The following TET2 variants were observed in gnomAD, a reference collection of about 807,000 sequenced individuals.
TET2 encodes methylcytosine dioxygenase TET2.
In TET2, 299 loss-of-function variants were observed where a neutral mutation model predicts 142.9. That is an observed-to-expected ratio of 2.09 (90% CI 1.90 to 2.30). The LOEUF (loss-of-function observed/expected upper bound fraction) is 2.30, where lower values mean the gene tolerates loss of function less well. TET2 is among the 30% of genes most tolerant of loss of function. The pLI is 0.00. For synonymous variants in TET2, 819 were observed against 849.0 expected (o/e 0.96, Z 0.61); for missense variants, 2,418 against 2,378.0 (o/e 1.02, Z -0.35).
intron 4 of TET2, chr4:105,241,861 C>CT (rs1729320211): frequency 1.6e-6 from 2 of 1,246,232 alleles, no homozygotes; most frequent in South Asian, 4.1e-5. Flanking sequence ...GTACTTATCT[C>CT]TAAGTTTTCT....
At position 105,272,496 on chromosome 4, in the gene TET2, T is replaced by TA. The variant is rs1731011200; in HGVS notation, c.4183-67dup. 21 of 1,014,976 alleles carry TA rather than the reference T, an allele frequency of 2.1e-5. No individual in the cohort carries two copies. In the South Asian group the frequency reaches 3.5e-4, roughly 17 times the overall value. 62.9% of individuals were successfully genotyped at this position (1,014,976 alleles called of 1,614,324 possible). On this transcript the variant is annotated intron_variant, in intron 9 of 10. Coordinates refer to ENST00000380013, the MANE Select transcript of TET2 (RefSeq NM_001127208.3). ...AATCTGAATACTGAGAGGAGAAAGA[T>TA]ACACACACACACACACGTTTTCTTT...
At chr4:105,241,736 G>T in intron 4 of TET2, 1 of 1,256,272 alleles carries the variant, frequency 8.0e-7, no homozygotes. Flanking sequence ...AGGCTCCAAC[G>T]AGAGGTCCCA....
At chr4:105,171,878 C>G (rs980373001) in intron 1 of TET2, 3 of 152,134 alleles carry the variant, frequency 2.0e-5, no homozygotes, top group Admixed American at 2.0e-4. Flanking sequence ...CCTAATCTTC[C>G]AAGATTTATC....
intron 1 of TET2, among the ~76,000 whole-genome samples, chr4:105,150,387 G>A (rs143763236): frequency 5.3e-5 from 8 of 152,148 alleles, no homozygotes; most frequent in African/African-American, 1.4e-4. Context: ...ATTTCAAATC[G>A]CTGGAAAGAG....
At chr4:105,157,257 G>A (rs1049963280) in intron 1 of TET2, among the ~76,000 whole-genome samples, 1 of 151,306 alleles carries the variant, frequency 6.6e-6, no homozygotes, top group Non-Finnish European at 1.5e-5. Flanking sequence ...ACCATAAATG[G>A]GTACCTTTCA....
intron 1 of TET2, among the ~76,000 whole-genome samples, chr4:105,177,115 C>A (rs1724844263): frequency 6.6e-6 from 1 of 151,956 alleles, no homozygotes; most frequent in South Asian, 2.1e-4. Flanking sequence ...GATCTTATAC[C>A]CTTTGCAAAA....
In TET2 at chr4:105,246,023, C is replaced by T. The variant is rs145036771; in HGVS notation, c.3803+2245C>T. ...TCAGCTCACCACAACCTCCACCTCCCGGGTTCAAGTGATTCTCATGCCACA... is the reference window on the plus strand; with the variant it reads ...TCAGCTCACCACAACCTCCACCTCCTGGGTTCAAGTGATTCTCATGCCACA... On this transcript the variant is annotated intron_variant, in intron 6 of 10. Transcript: ENST00000380013. Among the ~76,000 whole-genome samples the T allele has an allele frequency of 1.5e-4, 23 of 152,208 alleles. No homozygotes were observed. The East Asian group carries it at 4.2e-3, about 28-fold the overall frequency.
chr4:105,237,337 C>G lies in TET2; in HGVS notation c.3395C>G (p.Ser1132Cys). 1 of 1,614,136 alleles carries G rather than the reference C, an allele frequency of 6.2e-7. No individual in the cohort carries two copies. Among genetic ancestry groups the G allele is most frequent in the Non-Finnish European group, 8.5e-7 (1 of 1,179,998 alleles). ...TPVKTQYDFP[S>C]CRCVEQIIEK... ...GTCAAGACTCAATATGATTTCCCAT[C>G]TTGCAGATGTGTAGGTAAGTGCCAG... The change falls in exon 3 of 11, where the codon TCT (serine) becomes TGT (cysteine). Residue 1132 changes from serine to cysteine, a missense_variant. Coordinates refer to ENST00000380013, the MANE Select transcript of TET2 (RefSeq NM_001127208.3).
rs1731123624 is a variant in TET2 at position 105,274,917 on chromosome 4, TC to T, written c.4538-130del. Reference sequence around the variant, plus strand: ...GATCAGAACCCTGACTTTGCTCTTATCTTTGCTTAATGGGTGTCGTATATCA... The same window carrying T: ...GATCAGAACCCTGACTTTGCTCTTATTTTGCTTAATGGGTGTCGTATATCA... On this transcript the variant is annotated intron_variant, in intron 10 of 10. Coordinates refer to ENST00000380013, the MANE Select transcript of TET2 (RefSeq NM_001127208.3). The T allele has an allele frequency of 5.7e-6, 7 of 1,223,790 alleles. No individual in the cohort carries two copies. In the Admixed American group the frequency reaches 1.3e-4, roughly 23 times the overall value. The allele number at this position is 1,223,790 out of a possible 1,614,324, so 75.8% of individuals were successfully genotyped here.
In TET2 at chr4:105,272,621, C is replaced by A. The variant is rs1731019056; in HGVS notation, c.4240C>A (p.Gln1414Lys). 6.5e-7 allele frequency: 1 copy of A among 1,550,324 alleles called. No individual in the cohort carries two copies. Among genetic ancestry groups the A allele is most frequent in the Non-Finnish European group, 8.7e-7 (1 of 1,146,558 alleles). ...ATTTGGAGGAAAACCTGAGGATGAG[C>A]AGCTTCACGTTCTGCCTTTATACAA... ...REFGGKPEDE[Q>K]LHVLPLYKVS... The change falls in exon 10 of 11, where the codon CAG (glutamine) becomes AAG (lysine). Residue 1414 changes from glutamine to lysine, a missense_variant. Gln to Lys is a moderately conservative substitution (Grantham distance 53). Transcript: ENST00000380013.
intron 1 of TET2, among the ~76,000 whole-genome samples, chr4:105,160,522 CT>C (rs1161630430): frequency 3.3e-5 from 5 of 152,096 alleles, no homozygotes; most frequent in African/African-American, 1.2e-4. Context: ...AAATAGAAGC[CT>C]TCTTGCCTAA....
At chr4:105,257,492 A>G (rs950972508) in intron 6 of TET2, among the ~76,000 whole-genome samples, 3 of 152,168 alleles carry the variant, frequency 2.0e-5, no homozygotes, top group Admixed American at 6.6e-5. Flanking sequence ...CCTGAGATCA[A>G]TAAGTCAGTC....
rs771585805 is a variant in TET2, at chr4:105,236,597, A to C, written c.2655A>C (p.Glu885Asp). 1.2e-6 allele frequency: 2 copies of C among 1,614,018 alleles called. No individual in the cohort carries two copies. Among genetic ancestry groups the C allele is most frequent in the South Asian group, 2.2e-5 (2 of 91,094 alleles). ...ATCTTCTTCACAGGTGCTTTCAAGA[A>C]CAGGAGCAGAAGTCACAACAAGCTT... ...KQDLLHRCFQ[E>D]QEQKSQQASV... Residue 885 changes from glutamate (E) to aspartate (D), a missense_variant, in exon 3 of 11, where the codon GAA becomes GAC. Glu to Asp is a conservative substitution (Grantham distance 45, BLOSUM62 2). Transcript: ENST00000380013.
intron 6 of TET2, among the ~76,000 whole-genome samples, chr4:105,255,088 C>A (rs897228315): frequency 1.3e-5 from 2 of 152,176 alleles, no homozygotes; most frequent in African/African-American, 4.8e-5. Context: ...TTGATTACAT[C>A]TTTTAACCTG....
chr4:105,185,167 G>A (rs1725351546), intron 1 of TET2, among the ~76,000 whole-genome samples: 1 of 152,044 alleles, frequency 6.6e-6, no homozygotes, highest in African/African-American at 2.4e-5. Context: ...TTTTAGAGAA[G>A]AGGTTTTTTT....
chr4:105,266,840 A>G (rs916266765), intron 8 of TET2, among the ~76,000 whole-genome samples: 1 of 152,000 alleles, frequency 6.6e-6, no homozygotes, highest in Non-Finnish European at 1.5e-5. Context: ...ACAATGGCCA[A>G]ATTTTTTTCA....
chr4:105,190,258 T>C (rs553165350), intron 1 of TET2, 102 bp from the exon 2 acceptor site: 8 of 496,240 alleles, frequency 1.6e-5, no homozygotes, highest in African/African-American at 3.9e-5. Context: ...AATGGAAATA[T>C]CCAATTATAG....
chr4:105,233,595 T>G (rs891108467), intron 2 of TET2, among the ~76,000 whole-genome samples: 2 of 152,126 alleles, frequency 1.3e-5, no homozygotes, highest in Admixed American at 6.6e-5. Flanking sequence ...AAAAAATTAT[T>G]TAGGAATGAA....
intron 9 of TET2, among the ~76,000 whole-genome samples, chr4:105,270,647 C>T (rs892647458): frequency 1.3e-5 from 2 of 148,630 alleles, no homozygotes; most frequent in African/African-American, 5.0e-5. Flanking sequence ...TAATTGGAGG[C>T]AGTGGTGAGG....
Sources: gnomAD v4.1 joint callset for allele counts (sites outside exome capture counted in the v4.1 genomes callset) on GRCh38, gnomAD v4.1.1 for gene constraint, MANE v1.5 for transcripts, NCBI Gene and HGNC (gene_info 2026-07-23, HGNC 2026-07-21) for gene names.